Variants in LHPP observed in about 807,000 individuals in gnomAD.
LHPP encodes the protein phospholysine phosphohistidine inorganic pyrophosphate phosphatase, also known as hLHPP.
LHPP carries 24 observed loss-of-function variants against 30.3 expected under a neutral mutation model. The observed-to-expected ratio is 0.79, with a 90% confidence interval of 0.57 to 1.11. LHPP has a LOEUF of 1.11. LHPP is among the 50% of genes most tolerant of loss of function. The pLI is 0.00. For missense variants in LHPP, 356 were observed against 367.2 expected (o/e 0.97, Z 0.25); for synonymous variants, 150 against 157.1 (o/e 0.95, Z 0.34).
chr10:124,564,358 C>T (rs971669380), intron 6 of LHPP, among the ~76,000 whole-genome samples: 3 of 152,088 alleles, frequency 2.0e-5, no homozygotes, highest in Non-Finnish European at 2.9e-5. Context: ...CTCCTGATCT[C>T]GTGATCTGCC....
At chr10:124,609,954 T>TGTGCCTTTGGTGAAC (rs911368948) in intron 6 of LHPP, among the ~76,000 whole-genome samples, 60 of 152,352 alleles carry the variant, frequency 3.9e-4, no homozygotes, top group African/African-American at 1.2e-3. Flanking sequence ...TGTGGAGCAG[T>TGTGCCTTTGGTGAAC]GTGCCTTTGG....
intron 1 of LHPP, among the ~76,000 whole-genome samples, chr10:124,468,144 A>G (rs371707421): frequency 2.3e-4 from 35 of 152,320 alleles, no homozygotes; most frequent in African/African-American, 7.9e-4. Flanking sequence ...CACGTGATAT[A>G]GAACTGTCCA....
intron 6 of LHPP, among the ~76,000 whole-genome samples, chr10:124,589,683 T>C (rs149088516): frequency 5.1e-4 from 77 of 152,342 alleles, no homozygotes; most frequent in African/African-American, 1.6e-3. Context: ...TCTCTGGGAC[T>C]TCCTTGTGTG....
intron 6 of LHPP, among the ~76,000 whole-genome samples, chr10:124,532,755 G>T (rs1216271514): frequency 6.6e-6 from 1 of 152,200 alleles, no homozygotes; most frequent in East Asian, 1.9e-4. Flanking sequence ...GGAAGCTGCA[G>T]ACTCACCCAG....
chr10:124,552,614 C>T (rs945948985), intron 6 of LHPP, among the ~76,000 whole-genome samples: 1 of 152,182 alleles, frequency 6.6e-6, no homozygotes, highest in African/African-American at 2.4e-5. Flanking sequence ...CACTGCCCCC[C>T]AGGCTGGGGC....
At chr10:124,539,237 A>G (rs776887915) in intron 6 of LHPP, among the ~76,000 whole-genome samples, 2 of 152,144 alleles carry the variant, frequency 1.3e-5, no homozygotes, top group East Asian at 1.9e-4. Context: ...AGGCAATGGC[A>G]TATCTTTAAG....
At chr10:124,492,463 G>A (rs1953563920) in intron 3 of LHPP, among the ~76,000 whole-genome samples, 1 of 152,208 alleles carries the variant, frequency 6.6e-6, no homozygotes, top group African/African-American at 2.4e-5. Context: ...GCGCAGCAGA[G>A]TCGTAAGGCT....
At chr10:124,608,418 C>T (rs530100843) in intron 6 of LHPP, among the ~76,000 whole-genome samples, 5 of 152,194 alleles carry the variant, frequency 3.3e-5, no homozygotes, top group East Asian at 3.9e-4. Context: ...CGCCCACACC[C>T]GCGCCAACCA....
At chr10:124,499,605 G>A (rs1179205070) in intron 5 of LHPP, among the ~76,000 whole-genome samples, 4 of 151,916 alleles carry the variant, frequency 2.6e-5, no homozygotes, top group Non-Finnish European at 2.9e-5. Flanking sequence ...GCAGCGAGCC[G>A]AGATCATGCC....
At chr10:124,613,073 G>A (rs1310781293) in intron 6 of LHPP, 191 bp from the exon 7 acceptor site, 22 of 611,810 alleles carry the variant, frequency 3.6e-5, no homozygotes, top group Non-Finnish European at 6.2e-5. Context: ...GCACAGTCAG[G>A]AGGGGCCATG....
intron 6 of LHPP, among the ~76,000 whole-genome samples, chr10:124,577,262 C>T (rs1322827378): frequency 1.3e-5 from 2 of 152,182 alleles, no homozygotes; most frequent in South Asian, 2.1e-4. Flanking sequence ...CAAGCCCAGC[C>T]AACCCAAGAC....
intron 5 of LHPP, among the ~76,000 whole-genome samples, chr10:124,509,578 G>A (rs1176754272): frequency 6.6e-6 from 1 of 151,022 alleles, no homozygotes; most frequent in African/African-American, 2.4e-5. Flanking sequence ...TTTTTTTAAA[G>A]TGGTCTTTGA....
At chr10:124,584,361 C>T (rs1401376313) in intron 6 of LHPP, among the ~76,000 whole-genome samples, 1 of 129,296 alleles carries the variant, frequency 7.7e-6, no homozygotes, top group East Asian at 2.1e-4. Context: ...GAGACTCTGT[C>T]TCAAAAAAAA....
At chr10:124,497,576 A>G (rs986073642) in intron 4 of LHPP, among the ~76,000 whole-genome samples, 5 of 151,944 alleles carry the variant, frequency 3.3e-5, no homozygotes, top group African/African-American at 9.7e-5. Flanking sequence ...TCAGCCTCAC[A>G]TCCCGTCCCA....
At position 124,517,141 on chromosome 10, in the gene LHPP, C is replaced by G; in HGVS notation, c.625-39C>G. On this transcript the variant is annotated intron_variant, in intron 5 of 6. Coordinates refer to ENST00000368842, the MANE Select transcript of LHPP (RefSeq NM_022126.4). The surrounding 1 kb of genome is among the most constrained non-coding windows in gnomAD (Gnocchi z 4.1). Reference sequence around the variant, plus strand: ...TGAAGGAGCCCGGGAATAAAACTCTCCTGACATCACTTCTGAGCGTATTTC... The same window carrying G: ...TGAAGGAGCCCGGGAATAAAACTCTGCTGACATCACTTCTGAGCGTATTTC... 1 of 1,432,286 alleles carries G rather than the reference C, an allele frequency of 7.0e-7. No homozygotes were observed. Among genetic ancestry groups the G allele is most frequent in the Non-Finnish European group, 9.5e-7 (1 of 1,050,084 alleles). 88.7% of individuals were successfully genotyped at this position (1,432,286 alleles called of 1,614,324 possible).
chr10:124,566,908 C>T (rs1948500167), intron 6 of LHPP, among the ~76,000 whole-genome samples: 1 of 152,216 alleles, frequency 6.6e-6, no homozygotes, highest in South Asian at 2.1e-4. Flanking sequence ...TCCCTGTGAG[C>T]AGGGGTGCAG....
At chr10:124,490,641 G>C (rs778584743) in intron 3 of LHPP, 1 of 197,762 alleles carries the variant, frequency 5.1e-6, no homozygotes, top group Non-Finnish European at 1.1e-5. Flanking sequence ...ACTGATCTCT[G>C]CTGATGGCAT....
intron 6 of LHPP, among the ~76,000 whole-genome samples, chr10:124,601,103 G>A (rs2134011322): frequency 6.6e-6 from 1 of 152,306 alleles, no homozygotes; most frequent in Non-Finnish European, 1.5e-5. Flanking sequence ...GAGGCCCAGG[G>A]AGCTAAAGCT....
intron 6 of LHPP, among the ~76,000 whole-genome samples, chr10:124,575,974 C>A (rs543420647): frequency 1.3e-5 from 2 of 152,264 alleles, no homozygotes; most frequent in Admixed American, 1.3e-4. Context: ...CCCCTGAAAA[C>A]GTTCACATCC....
Sources: allele counts gnomAD v4.1 joint callset (sites outside exome capture counted in the v4.1 genomes callset), GRCh38; gene constraint gnomAD v4.1.1; non-coding constraint Gnocchi (gnomAD v3.1); transcripts MANE v1.5; gene names NCBI Gene and HGNC (gene_info 2026-07-23, HGNC 2026-07-21).